CATSPERT: variants seen among roughly 807,000 people sequenced by gnomAD.
CATSPERT encodes the protein catsper channel auxiliary subunit tau, also known as cation channel sperm-associated targeting subunit tau.
the CATSPERT span, among the ~76,000 whole-genome samples, chr2:201,551,431 T>C: frequency 6.6e-6 from 1 of 152,194 alleles, no homozygotes; most frequent in Non-Finnish European, 1.5e-5. Flanking sequence ...TATTATAAAA[T>C]GTAAAACTCA....
chr2:201,556,375 G>A, the CATSPERT span, among the ~76,000 whole-genome samples: 4 of 152,134 alleles, frequency 2.6e-5, no homozygotes, highest in African/African-American at 9.7e-5. Context: ...CAGGGGTGGT[G>A]GCGGGCGCCT....
chr2:201,500,584 A>T, the CATSPERT span, among the ~76,000 whole-genome samples: 1 of 152,288 alleles, frequency 6.6e-6, no homozygotes, highest in African/African-American at 2.4e-5. Flanking sequence ...TATGTAACTG[A>T]ACTTGTCTTT....
the CATSPERT span, among the ~76,000 whole-genome samples, chr2:201,573,218 A>G: frequency 6.6e-6 from 1 of 152,218 alleles, no homozygotes; most frequent in Non-Finnish European, 1.5e-5. Flanking sequence ...ATGAGAGAAA[A>G]GGATATAAGT....
the CATSPERT span, among the ~76,000 whole-genome samples, chr2:201,569,299 T>C: frequency 9.2e-5 from 14 of 152,170 alleles, no homozygotes; most frequent in African/African-American, 3.4e-4. Flanking sequence ...TAGACTTTTG[T>C]TCCCTCGACC....
At chr2:201,568,471 G>A in the CATSPERT span, among the ~76,000 whole-genome samples, 2 of 152,092 alleles carry the variant, frequency 1.3e-5, no homozygotes, top group Admixed American at 1.3e-4. Context: ...GGAGAAATAA[G>A]CATTTGCCAG....
At chr2:201,491,052 G>C in the CATSPERT span, 1 of 878,336 alleles carries the variant, frequency 1.1e-6, no homozygotes, top group Non-Finnish European at 1.6e-6. Flanking sequence ...TTGGAGGTCT[G>C]TATGTCTTGG....
the CATSPERT span, among the ~76,000 whole-genome samples, chr2:201,608,516 C>T: frequency 6.6e-6 from 1 of 151,948 alleles, no homozygotes; most frequent in Non-Finnish European, 1.5e-5. Context: ...TGCACTTCAC[C>T]AATACTACAA....
chr2:201,533,256 C>A, the CATSPERT span, among the ~76,000 whole-genome samples: 2 of 152,220 alleles, frequency 1.3e-5, no homozygotes, highest in Admixed American at 6.5e-5. Context: ...TCAGCCTTCA[C>A]TGAAAGCAAA....
At chr2:201,574,080 G>C in the CATSPERT span, 1 of 533,504 alleles carries the variant, frequency 1.9e-6, no homozygotes, top group Non-Finnish European at 3.1e-6. Flanking sequence ...CCTCAAAGTC[G>C]GGAGGTAAAG....
At chr2:201,494,450 G>T in the CATSPERT span, 1 of 1,537,524 alleles carries the variant, frequency 6.5e-7, no homozygotes, top group South Asian at 1.2e-5. Flanking sequence ...ACATTTGGTA[G>T]ATTTTCTTTT....
At chr2:201,490,655 T>G in the CATSPERT span, among the ~76,000 whole-genome samples, 3 of 152,188 alleles carry the variant, frequency 2.0e-5, no homozygotes, top group Non-Finnish European at 4.4e-5. Flanking sequence ...GTAGGTGTGT[T>G]AACAGTCCCG....
the CATSPERT span, among the ~76,000 whole-genome samples, chr2:201,607,076 T>A: frequency 6.6e-6 from 1 of 151,914 alleles, no homozygotes; most frequent in Non-Finnish European, 1.5e-5. Flanking sequence ...AATAAAATGA[T>A]GAGAATAAGC....
chr2:201,572,900 G>A, the CATSPERT span, among the ~76,000 whole-genome samples: 2 of 152,024 alleles, frequency 1.3e-5, no homozygotes. Flanking sequence ...TTAACACAGC[G>A]GTAGACTTGT....
chr2:201,583,799 C>T, the CATSPERT span, among the ~76,000 whole-genome samples: 2 of 152,030 alleles, frequency 1.3e-5, no homozygotes, highest in Admixed American at 6.6e-5. Context: ...CAAAAATAGA[C>T]CCCCAAAACA....
chr2:201,563,754 G>C, the CATSPERT span, among the ~76,000 whole-genome samples: 4 of 152,150 alleles, frequency 2.6e-5, no homozygotes, highest in Non-Finnish European at 5.9e-5. Context: ...TTCTGAGCTA[G>C]GTTATTTCAG....
chr2:201,588,598 C>CTT, the CATSPERT span, among the ~76,000 whole-genome samples: 139 of 141,676 alleles, frequency 9.8e-4, no homozygotes, highest in South Asian at 6.3e-3. Flanking sequence ...GTTCCCTACT[C>CTT]TTTTTTTTTT....
the CATSPERT span, among the ~76,000 whole-genome samples, chr2:201,616,481 G>A: frequency 6.6e-6 from 1 of 152,168 alleles, no homozygotes. Context: ...AATAGATGCA[G>A]AAAAGGCCTT....
chr2:201,493,101 G>GA, the CATSPERT span: 3 of 1,527,436 alleles, frequency 2.0e-6, no homozygotes, highest in South Asian at 1.2e-5. Flanking sequence ...GATTATATTT[G>GA]AAAAAAACAT....
chr2:201,525,235 TA>T, the CATSPERT span, among the ~76,000 whole-genome samples: 2 of 151,816 alleles, frequency 1.3e-5, no homozygotes, highest in Admixed American at 6.6e-5. Context: ...TCAGTAAATT[TA>T]AAAAAAATTA....
Sources: allele counts gnomAD v4.1 joint callset (sites outside exome capture counted in the v4.1 genomes callset), GRCh38; gene constraint gnomAD v4.1.1; transcripts MANE v1.5; gene names NCBI Gene and HGNC (gene_info 2026-07-23, HGNC 2026-07-21).